Variants in VGLL4 observed in about 807,000 individuals in gnomAD.
VGLL4 encodes the protein vestigial like family member 4, also known as transcription cofactor vestigial-like protein 4.
VGLL4 carries 7 observed loss-of-function variants against 21.0 expected under a neutral mutation model. The ratio of observed to expected loss-of-function variants is 0.33; its 90% CI spans 0.19 to 0.63. The LOEUF (loss-of-function observed/expected upper bound fraction) is 0.63, where lower values mean the gene tolerates loss of function less well. Ranked by LOEUF, VGLL4 falls within the 20% of genes least tolerant of loss-of-function variation. VGLL4 has a pLI of 0.78. For synonymous variants in VGLL4, 222 were observed against 173.2 expected (o/e 1.28, Z -2.21); for missense variants, 394 against 425.7 (o/e 0.93, Z 0.66).
chr3:11,630,034 C>G (rs1169191185), intron 1 of VGLL4, among the ~76,000 whole-genome samples: 1 of 152,206 alleles, frequency 6.6e-6, no homozygotes. Flanking sequence ...ATCCCTCTAT[C>G]TGGCTGCCTG....
At chr3:11,562,876 G>T (rs979104748) in intron 3 of VGLL4, among the ~76,000 whole-genome samples, 6 of 152,196 alleles carry the variant, frequency 3.9e-5, no homozygotes, top group Non-Finnish European at 8.8e-5. Context: ...TAGCTGGGGG[G>T]TCGAGGTTCT....
At chr3:11,570,157 G>A (rs2073716631) in intron 2 of VGLL4, among the ~76,000 whole-genome samples, 1 of 152,126 alleles carries the variant, frequency 6.6e-6, no homozygotes, top group South Asian at 2.1e-4. Context: ...TGGAGAAGAT[G>A]AAGGCTTTGC....
intron 2 of VGLL4, among the ~76,000 whole-genome samples, chr3:11,666,229 T>G (rs2125361417): frequency 1.4e-5 from 2 of 141,064 alleles, no homozygotes; most frequent in Admixed American, 1.5e-4. Flanking sequence ...CCAGCCTGGG[T>G]GAGAGCGAGA....
At chr3:11,674,214 C>T (rs2125371959) in intron 2 of VGLL4, among the ~76,000 whole-genome samples, 1 of 152,206 alleles carries the variant, frequency 6.6e-6, no homozygotes, top group Admixed American at 6.5e-5. Context: ...ATCTCCCACA[C>T]ACTCTTTGTC....
intron 3 of VGLL4, among the ~76,000 whole-genome samples, chr3:11,562,860 A>G (rs1368225041): frequency 6.6e-6 from 1 of 152,170 alleles, no homozygotes; most frequent in Non-Finnish European, 1.5e-5. Context: ...GGATCCCATA[A>G]AGATATAGCT....
chr3:11,630,645 T>C (rs1023128309), intron 1 of VGLL4, among the ~76,000 whole-genome samples: 13 of 151,964 alleles, frequency 8.6e-5, no homozygotes, highest in Non-Finnish European at 1.6e-4. Context: ...AAACTCCGTC[T>C]CAAAAATAAA....
intron 1 of VGLL4, among the ~76,000 whole-genome samples, chr3:11,707,277 G>A (rs551120944): frequency 1.2e-4 from 17 of 138,124 alleles, no homozygotes; most frequent in South Asian, 4.7e-4. Context: ...GCAGTGAGCC[G>A]TAATTGCACC....
intron 2 of VGLL4, among the ~76,000 whole-genome samples, chr3:11,596,955 G>C (rs895994819): frequency 6.6e-6 from 1 of 152,088 alleles, no homozygotes; most frequent in African/African-American, 2.4e-5. Flanking sequence ...CTGGAAAAAC[G>C]GCTAATTCCA....
chr3:11,698,458 G>A (rs570932694), intron 2 of VGLL4, among the ~76,000 whole-genome samples: 38 of 152,282 alleles, frequency 2.5e-4, no homozygotes, highest in African/African-American at 7.7e-4. Context: ...GCAGTGAGCC[G>A]TGATCGCACC....
Position 11,601,976 on chromosome 3 carries a change from C to T in VGLL4, c.129G>A (p.Val43=), listed in dbSNP as rs770241784. 72 of 1,605,890 alleles carry T rather than the reference C, an allele frequency of 4.5e-5. No homozygotes were observed. The highest frequency in any genetic ancestry group is 5.9e-5 in the Non-Finnish European group (70 of 1,177,236). The change falls in exon 2 of 5, where the codon GTG becomes GTA. Residue 43 remains valine, a synonymous_variant. Transcript: ENST00000430365. ...TGCGGTGACTGCTGAGGGCAGAGGCCACCGGCAGGGTCTGTATTCTGGGTT... is the reference window on the plus strand; with the variant it reads ...TGCGGTGACTGCTGAGGGCAGAGGCTACCGGCAGGGTCTGTATTCTGGGTT... ...RGEPRIQTLP[V]ASALSSHRTG...
At chr3:11,673,263 C>T (rs993693028) in intron 2 of VGLL4, among the ~76,000 whole-genome samples, 24 of 151,730 alleles carry the variant, frequency 1.6e-4, no homozygotes, top group Admixed American at 1.5e-3. Flanking sequence ...ATATATATAC[C>T]AAGTACCTCA....
intron 1 of VGLL4, among the ~76,000 whole-genome samples, chr3:11,718,041 A>G (rs987315865): frequency 4.6e-5 from 7 of 152,246 alleles, no homozygotes; most frequent in African/African-American, 1.7e-4. Flanking sequence ...AGTTATTTAT[A>G]GCAGAATTAT....
Position 11,564,976 on chromosome 3 carries a change from G to C in VGLL4, c.316C>G (p.Arg106Gly), listed in dbSNP as rs770255394. 1 of 1,532,002 alleles carries C rather than the reference G, an allele frequency of 6.5e-7. No individual in the cohort carries two copies. The highest frequency in any genetic ancestry group is 8.8e-7 in the Non-Finnish European group (1 of 1,140,540). The allele number at this position is 1,532,002 out of a possible 1,614,324, so 94.9% of individuals were successfully genotyped here. A position where few individuals can be genotyped will look rare whatever the true frequency, so the allele number is the denominator to read the frequency against. ...GCGCGCTCGATGGGGCTGCGGCTCC[G>C]CTCCCGGGGGTCTCTGCGGCAGTCT... ...NGDCRRDPRERSRSPIERAVA... is the reference protein window; with the variant it reads ...NGDCRRDPREGSRSPIERAVA... Residue 106 changes from arginine to glycine, a missense_variant, in exon 3 of 5, where the codon CGG becomes GGG. Coordinates refer to ENST00000430365, the MANE Select transcript of VGLL4 (RefSeq NM_001128219.3).
At chr3:11,610,383 T>C (rs1306396628) in intron 1 of VGLL4, 2 of 152,234 alleles carry the variant, frequency 1.3e-5, no homozygotes, top group Admixed American at 1.3e-4. Context: ...TCTTTTTTTA[T>C]AGGACGCCCA....
chr3:11,650,275 G>A (rs1038088296), intron 2 of VGLL4, among the ~76,000 whole-genome samples: 5 of 152,158 alleles, frequency 3.3e-5, no homozygotes, highest in African/African-American at 9.7e-5. Context: ...TTGTGCCTCA[G>A]CATCTTTGTG....
At chr3:11,682,488 GA>G (rs1311788345) in intron 2 of VGLL4, among the ~76,000 whole-genome samples, 1 of 150,076 alleles carries the variant, frequency 6.7e-6, no homozygotes, top group East Asian at 2.0e-4. Flanking sequence ...TGTGACACAA[GA>G]ATCACTCGAG....
At chr3:11,667,842 C>CTTTTTTTTTTTTTTTTTTTT (rs746416276) in intron 2 of VGLL4, among the ~76,000 whole-genome samples, 1 of 69,282 alleles carries the variant, frequency 1.4e-5, no homozygotes, top group Admixed American at 2.1e-4. Context: ...CTATCTTCTT[C>CTTTTTTTTTTTTTTTTTTTT]TTTTTTTTTT....
intron 1 of VGLL4, among the ~76,000 whole-genome samples, chr3:11,720,197 C>T (rs1305090781): frequency 7.5e-6 from 1 of 133,274 alleles, no homozygotes; most frequent in African/African-American, 2.9e-5. Flanking sequence ...ACCTGCGGCA[C>T]CCACGCCGCC....
intron 2 of VGLL4, among the ~76,000 whole-genome samples, chr3:11,582,723 A>G (rs936992140): frequency 6.6e-6 from 1 of 152,174 alleles, no homozygotes; most frequent in Non-Finnish European, 1.5e-5. Context: ...AGAAGTGGAG[A>G]CGCTCCGAAG....
Sources: allele counts gnomAD v4.1 joint callset (sites outside exome capture counted in the v4.1 genomes callset), GRCh38; gene constraint gnomAD v4.1.1; transcripts MANE v1.5; gene names NCBI Gene and HGNC (gene_info 2026-07-23, HGNC 2026-07-21).